Variants in ADAM15 observed in about 807,000 individuals in gnomAD.
ADAM15 encodes the protein disintegrin and metalloproteinase domain-containing protein 15.
A neutral mutation model predicts 113.8 loss-of-function variants in ADAM15; 77 were observed. The observed-to-expected ratio is 0.68, with a 90% CI of 0.56 to 0.82. The LOEUF is 0.82. Ranked by LOEUF, ADAM15 falls within the 40% of genes least tolerant of loss-of-function variation. The pLI, the probability that ADAM15 is intolerant of heterozygous loss-of-function variation, is 0.00. For missense variants in ADAM15, 963 were observed against 1,120.1 expected, an observed-to-expected ratio of 0.86 and a Z score of 2.00; for synonymous variants, 388 against 454.1, an observed-to-expected ratio of 0.85 and a Z score of 1.85.
intron 20 of ADAM15, 72 bp from the exon 21 acceptor site, chr1:155,061,832 T>C (rs1012202431): frequency 3.6e-5 from 52 of 1,443,388 alleles, no homozygotes. Context: ...CTTGAACCCC[T>C]CTGGGGAATC....
In ADAM15 at chr1:155,062,452, C is replaced by T. The variant is rs1191408556; in HGVS notation, c.2550-8C>T. 1 of 1,613,238 alleles carries T rather than the reference C, an allele frequency of 6.2e-7. No homozygotes were observed. The highest frequency in any genetic ancestry group is 1.1e-5 in the South Asian group (1 of 91,052). ...CTGACTCTTTTTTCTTGGCTTCCCG[C>T]AATCCAGACCAGCGCCACCGCCTCC... On this transcript the variant is annotated splice_region_variant and splice_polypyrimidine_tract_variant and intron_variant, in intron 22 of 22. Transcript: ENST00000356955. The surrounding 1 kb of genome is among the most constrained non-coding windows in gnomAD (Gnocchi z 7.0).
In ADAM15 at chr1:155,057,199, G is replaced by T. The variant is rs771110887; in HGVS notation, c.1160G>T (p.Gly387Val). 7.4e-6 allele frequency: 12 copies of T among 1,613,456 alleles called. No individual in the cohort carries two copies. Among genetic ancestry groups the T allele is most frequent in the Non-Finnish European group, 1.0e-5 (12 of 1,179,550 alleles). The change falls in exon 12 of 23, where the codon GGC becomes GTC. Residue 387 changes from glycine (G) to valine (V), a missense_variant. Gly to Val is a moderately radical substitution (Grantham distance 109). Coordinates refer to ENST00000356955, the MANE Select transcript of ADAM15 (RefSeq NM_207197.3). The surrounding 1 kb of genome is among the most constrained non-coding windows in gnomAD (Gnocchi z 5.0). Reference protein sequence around the residue: ...IMEASTDFLPGLNFSNCSRRA... With the variant: ...IMEASTDFLPVLNFSNCSRRA... ...GCCACCCTCCCCAGCTTCCTACCAG[G>T]CCTGAACTTCAGCAACTGCAGCCGA...
chr1:155,059,274 C>T (rs1662226502), intron 16 of ADAM15, among the ~76,000 whole-genome samples: 4 of 152,176 alleles, frequency 2.6e-5, no homozygotes, highest in Admixed American at 2.6e-4. Flanking sequence ...ACCATGTTGG[C>T]CAGGCTAGTC....
chr1:155,059,347 G>A (rs1242860806), intron 16 of ADAM15, among the ~76,000 whole-genome samples: 1 of 152,106 alleles, frequency 6.6e-6, no homozygotes, highest in East Asian at 1.9e-4. Context: ...GATTATAGGG[G>A]TGAGCCACTG....
chr1:155,051,586 C>T (rs1661024036), intron 1 of ADAM15, 121 bp downstream of exon 1: 3 of 907,936 alleles, frequency 3.3e-6, no homozygotes, highest in Non-Finnish European at 4.7e-6. Context: ...AGAGCGCGGC[C>T]CGCCCTGGTC....
chr1:155,062,356 G>A lies in ADAM15; in HGVS notation c.2536G>A (p.Val846Met). 6.3e-7 allele frequency: 1 copy of A among 1,588,816 alleles called. No homozygotes were observed. The highest frequency in any genetic ancestry group is 8.6e-7 in the Non-Finnish European group (1 of 1,167,402). The change falls in exon 22 of 23, where the codon GTG (valine) becomes ATG (methionine). Residue 846 changes from valine (V) to methionine (M), a missense_variant. Physicochemically the swap from Val to Met is conservative, Grantham distance 21 (BLOSUM62 1). Coordinates refer to ENST00000356955, the MANE Select transcript of ADAM15 (RefSeq NM_207197.3). This position sits in a 1 kb window ranked among gnomAD's most constrained non-coding sequence, Gnocchi z 7.0. The part of the protein sequence containing the change: ...PGPGAGIPPL[V>M]VPSRPAPPPP... ...CCCAGGGGCTGGAATCCCGCCCCTA[G>A]TGGTACCCTCCAGGTAGGAGGAGCC...
intron 18 of ADAM15, among the ~76,000 whole-genome samples, 199 bp downstream of exon 18, chr1:155,060,542 G>A (rs1662427872): frequency 6.6e-6 from 1 of 152,136 alleles, no homozygotes; most frequent in Non-Finnish European, 1.5e-5. Flanking sequence ...CTGTGGGGTG[G>A]CTGGATTGCT....
Position 155,062,663 on chromosome 1 carries a change from C to T in ADAM15, c.*161C>T. 1.9e-6 allele frequency: 2 copies of T among 1,028,458 alleles called. No individual in the cohort carries two copies. The highest frequency in any genetic ancestry group is 1.6e-5 in the African/African-American group (1 of 61,982). 63.7% of individuals were successfully genotyped at this position (1,028,458 alleles called of 1,614,324 possible). Reference sequence around the variant, plus strand: ...GTCAAGCAACACTCTGCGGACCTGCCGGCGTAGTTGCAGCGGGGGCTTGGG... The same window carrying T: ...GTCAAGCAACACTCTGCGGACCTGCTGGCGTAGTTGCAGCGGGGGCTTGGG... On this transcript the variant is annotated 3_prime_UTR_variant, in exon 23 of 23. Coordinates refer to ENST00000356955, the MANE Select transcript of ADAM15 (RefSeq NM_207197.3). This position sits in a 1 kb window ranked among gnomAD's most constrained non-coding sequence, Gnocchi z 7.0.
intron 19 of ADAM15, 90 bp downstream of exon 19, chr1:155,060,922 C>G: frequency 7.9e-7 from 1 of 1,267,042 alleles, no homozygotes; most frequent in Non-Finnish European, 1.1e-6. Context: ...GCTCCAGACT[C>G]AGAGAAAGGC....
rs1280952609 is a variant in ADAM15, at chr1:155,051,483, A to G, written c.79+18A>G. On this transcript the variant is annotated intron_variant, in intron 1 of 22. Coordinates refer to ENST00000356955, the MANE Select transcript of ADAM15 (RefSeq NM_207197.3). ...AAATATAGGTGAGTCCTCCGCCTGGAGTGGGTCGGGGGGCGGACTGGGAGG... is the reference window on the plus strand; with the variant it reads ...AAATATAGGTGAGTCCTCCGCCTGGGGTGGGTCGGGGGGCGGACTGGGAGG... 1.3e-6 allele frequency: 2 copies of G among 1,540,362 alleles called. No homozygotes were observed. The highest frequency in any genetic ancestry group is 1.4e-5 in the African/African-American group (1 of 70,464).
chr1:155,059,405 C>T (rs987864384), intron 16 of ADAM15, among the ~76,000 whole-genome samples: 3 of 152,126 alleles, frequency 2.0e-5, no homozygotes, highest in Admixed American at 1.3e-4. Flanking sequence ...AGGAGGATTA[C>T]TTGAGGCCAG....
intron 16 of ADAM15, among the ~76,000 whole-genome samples, chr1:155,059,625 T>C (rs1662282326): frequency 6.6e-6 from 1 of 152,136 alleles, no homozygotes; most frequent in Non-Finnish European, 1.5e-5. Flanking sequence ...TGAGACTCCA[T>C]CTTACTTGCT....
At position 155,056,984 on chromosome 1, in the gene ADAM15, C is replaced by G; in HGVS notation, c.1031C>G (p.Ser344Cys). The stretch of plus-strand genomic sequence containing the variant: ...TCCACCAGCATCCTGGGAGTCGCCT[C>G]CTCCATAGCCCATGAGTTGGGCCAC... ...DHSTSILGVA[S>C]SIAHELGHSL... Residue 344 changes from serine (S) to cysteine (C), a missense_variant, in exon 11 of 23, where the codon TCC becomes TGC. Physicochemically the swap from Ser to Cys is moderately radical, Grantham distance 112 (BLOSUM62 -1). Transcript: ENST00000356955. This position sits in a 1 kb window ranked among gnomAD's most constrained non-coding sequence, Gnocchi z 4.0. 3.8e-6 allele frequency: 6 copies of G among 1,590,250 alleles called. No individual in the cohort carries two copies. The highest frequency in any genetic ancestry group is 5.1e-6 in the Non-Finnish European group (6 of 1,168,848).
intron 18 of ADAM15, 30 bp from the exon 19 acceptor site, chr1:155,060,733 C>T (rs1442965509): frequency 6.2e-7 from 1 of 1,609,126 alleles, no homozygotes. Flanking sequence ...AGGCTGGGCC[C>T]TCTCCCTTCT....
chr1:155,060,735 C>G, intron 18 of ADAM15, 28 bp from the exon 19 acceptor site: 1 of 1,610,226 alleles, frequency 6.2e-7, no homozygotes, highest in Non-Finnish European at 8.5e-7. Flanking sequence ...GCTGGGCCCT[C>G]TCCCTTCTTG....
At chr1:155,061,317 C>A (rs1317841905) in intron 19 of ADAM15, 98 bp from the exon 20 acceptor site, 1 of 827,874 alleles carries the variant, frequency 1.2e-6, no homozygotes, top group African/African-American at 1.7e-5. Context: ...GCCCTGGGCC[C>A]CTGCTGGCCC....
In ADAM15 at chr1:155,062,006, T is replaced by G. The variant is rs566374531; in HGVS notation, c.2424+31T>G. 1 of 1,520,000 alleles carries G rather than the reference T, an allele frequency of 6.6e-7. No homozygotes were observed. Among genetic ancestry groups the G allele is most frequent in the Non-Finnish European group, 8.8e-7 (1 of 1,133,394 alleles). The allele number at this position is 1,520,000 out of a possible 1,614,324, so 94.2% of individuals were successfully genotyped here. On this transcript the variant is annotated intron_variant, in intron 21 of 22. Coordinates refer to ENST00000356955, the MANE Select transcript of ADAM15 (RefSeq NM_207197.3). This position sits in a 1 kb window ranked among gnomAD's most constrained non-coding sequence, Gnocchi z 7.0. The stretch of plus-strand genomic sequence containing the variant: ...GGTGGGGGGAGAGAAGGGCACGGCC[T>G]CTCCCCCCACCTAGGGCTGTGGTGC...
chr1:155,058,054 G>A lies in ADAM15; in HGVS notation c.1620G>A (p.Gln540=). ...QCQSLWGPGA[Q]PAAPLCLQTA... ...AGTCACTTTGGGGACCTGGAGCCCA[G>A]CCCGCTGCGCCACTTTGCCTCCAGA... The change falls in exon 14 of 23, where the codon CAG becomes CAA. Residue 540 remains glutamine (Q), a synonymous_variant. Transcript: ENST00000356955. The surrounding 1 kb of genome is among the most constrained non-coding windows in gnomAD (Gnocchi z 4.3). The A allele has an allele frequency of 6.2e-7, 1 of 1,614,114 alleles. No individual in the cohort carries two copies. Among genetic ancestry groups the A allele is most frequent in the Non-Finnish European group, 8.5e-7 (1 of 1,179,990 alleles).
intron 18 of ADAM15, 138 bp from the exon 19 acceptor site, chr1:155,060,625 C>A: frequency 1.0e-6 from 1 of 1,000,624 alleles, no homozygotes. Flanking sequence ...ATACTGCCCC[C>A]CACCCCGGCC....
Sources: gnomAD v4.1 joint callset for allele counts (sites outside exome capture counted in the v4.1 genomes callset) on GRCh38, gnomAD v4.1.1 for gene constraint, Gnocchi (gnomAD v3.1) non-coding constraint, MANE v1.5 for transcripts, NCBI Gene and HGNC (gene_info 2026-07-23, HGNC 2026-07-21) for gene names.